MYL1: variants seen among roughly 807,000 people sequenced by gnomAD.
MYL1 encodes myosin light chain 1.
Under a neutral mutation model 21.8 loss-of-function variants are expected in MYL1, and 16 were observed. The observed-to-expected ratio is 0.74, with a 90% confidence interval of 0.50 to 1.12. MYL1 has a LOEUF of 1.12. Among genes scored for constraint, MYL1 ranks in the 50% most tolerant of loss-of-function variants. The pLI is 0.00. For missense variants in MYL1, 246 were observed against 241.0 expected, an observed-to-expected ratio of 1.02 and a Z score of -0.14; for synonymous variants, 99 against 85.2, an observed-to-expected ratio of 1.16 and a Z score of -0.89.
chr2:210,296,135 G>A (rs1690171345), intron 3 of MYL1, among the ~76,000 whole-genome samples: 1 of 152,104 alleles, frequency 6.6e-6, no homozygotes. Flanking sequence ...CTTCAGTTTT[G>A]TATCTCTTTC....
At chr2:210,299,509 A>G (rs1484510238) in intron 2 of MYL1, among the ~76,000 whole-genome samples, 1 of 152,212 alleles carries the variant, frequency 6.6e-6, no homozygotes, top group Non-Finnish European at 1.5e-5. Flanking sequence ...TATTAAGTAT[A>G]CACAGCCATT....
rs144237153 is a variant in MYL1, at chr2:210,291,407, C to A, written c.557-333G>T. ...CCTCCCAAGCAGCTGGGACTACGGG[C>A]ACATGTCACTGTGCCCAGCTATGGT... On this transcript the variant is annotated intron_variant, in intron 5 of 6. Transcript: ENST00000352451. 5.4e-3 allele frequency among the ~76,000 whole-genome samples: 825 copies of A among 152,250 alleles called. 9 individuals are homozygous for A. The highest frequency in any genetic ancestry group is 0.019 in the African/African-American group (780 of 41,556).
intron 2 of MYL1, among the ~76,000 whole-genome samples, chr2:210,300,477 A>G (rs1315073878): frequency 6.6e-6 from 1 of 152,084 alleles, no homozygotes; most frequent in Non-Finnish European, 1.5e-5. Flanking sequence ...TCAGTGACAG[A>G]GTGGAGTTGT....
chr2:210,300,376 G>A (rs972140612), intron 2 of MYL1, among the ~76,000 whole-genome samples: 1 of 152,112 alleles, frequency 6.6e-6, no homozygotes, highest in Non-Finnish European at 1.5e-5. Flanking sequence ...CTATTTTCCA[G>A]GGGCTGGTTG....
Position 210,310,837 on chromosome 2 carries a change from G to A in MYL1, c.132+4074C>T, listed in dbSNP as rs189050515. ...TACCTCATACCCTTAAGAGTAAAAA[G>A]GGCTCCTTTACACATTCTTAGAAAC... On this transcript the variant is annotated intron_variant, in intron 1 of 6. Transcript: ENST00000352451. Among the ~76,000 whole-genome samples the A allele has an allele frequency of 4.0e-3, 611 of 152,116 alleles. 6 individuals are homozygous for A. Among genetic ancestry groups the A allele is most frequent in the African/African-American group, 0.014 (579 of 41,536 alleles).
chr2:210,301,922 G>A (rs1354572210), intron 2 of MYL1, among the ~76,000 whole-genome samples: 1 of 152,158 alleles, frequency 6.6e-6, no homozygotes, highest in East Asian at 1.9e-4. Flanking sequence ...TCTGGAGTCT[G>A]TCTTGCATAT....
At position 210,296,274 on chromosome 2, in the gene MYL1, TATC is replaced by T. The variant is rs371689535; in HGVS notation, c.305-1859_305-1857del. On this transcript the variant is annotated intron_variant, in intron 3 of 6. Coordinates refer to ENST00000352451, the MANE Select transcript of MYL1 (RefSeq NM_079420.3). ...TAGCATACTGATCATCTCAAACACTTATCATTTCTTTGTATTGGGAACATTCAA... is the reference window on the plus strand; with the variant it reads ...TAGCATACTGATCATCTCAAACACTTATTTCTTTGTATTGGGAACATTCAA... 5.4e-3 allele frequency among the ~76,000 whole-genome samples: 821 copies of T among 152,342 alleles called. 10 individuals are homozygous for T. The highest frequency in any genetic ancestry group is 0.019 in the African/African-American group (776 of 41,582).
chr2:210,301,958 C>T (rs1212001367), intron 2 of MYL1, among the ~76,000 whole-genome samples: 3 of 152,106 alleles, frequency 2.0e-5, no homozygotes, highest in Non-Finnish European at 4.4e-5. Flanking sequence ...AACCAGGAGA[C>T]ATTTAATGTT....
chr2:210,304,413 A>T (rs1350028620), intron 1 of MYL1, among the ~76,000 whole-genome samples: 1 of 152,094 alleles, frequency 6.6e-6, no homozygotes, highest in East Asian at 1.9e-4. Context: ...TTAACTACAC[A>T]TAAGTTCTTA....
Position 210,306,380 on chromosome 2 carries a change from C to CAA in MYL1, c.133-3867_133-3866dup, listed in dbSNP as rs370261153. On this transcript the variant is annotated intron_variant, in intron 1 of 6. Coordinates refer to ENST00000352451, the MANE Select transcript of MYL1 (RefSeq NM_079420.3). Reference sequence around the variant, plus strand: ...TGGGCTACAGAGCAAGACTCCATCTCAAAAAAAAAAAAAAAAAGTTGAATT... The same window carrying CAA: ...TGGGCTACAGAGCAAGACTCCATCTCAAAAAAAAAAAAAAAAAAAGTTGAATT... Among the ~76,000 whole-genome samples the CAA allele has an allele frequency of 2.9e-3, 340 of 117,530 alleles. 1 individual carries two copies. The highest frequency in any genetic ancestry group is 9.9e-3 in the African/African-American group (307 of 30,940). 77.1% of individuals were successfully genotyped at this position (117,530 alleles called of 152,430 possible). A position where few individuals can be genotyped will look rare whatever the true frequency, so the allele number is the denominator to read the frequency against.
intron 3 of MYL1, among the ~76,000 whole-genome samples, chr2:210,297,588 T>A (rs4261668): frequency 6.6e-6 from 1 of 151,476 alleles, no homozygotes; most frequent in Admixed American, 6.6e-5. Flanking sequence ...AACTTGCAAA[T>A]GTGTCTTGTC....
chr2:210,308,725 T>C (rs1235436418), intron 1 of MYL1, among the ~76,000 whole-genome samples: 1 of 152,008 alleles, frequency 6.6e-6, no homozygotes, highest in Admixed American at 6.6e-5. Context: ...CAACCTGTTA[T>C]ACTTTTTCAG....
chr2:210,298,272 A>G, intron 3 of MYL1, 148 bp downstream of exon 3: 1 of 923,630 alleles, frequency 1.1e-6, no homozygotes, highest in South Asian at 1.9e-5. Context: ...GAGCCCTATT[A>G]TGTGAAACAT....
chr2:210,297,365 T>C (rs1420353127), intron 3 of MYL1, among the ~76,000 whole-genome samples: 1 of 152,128 alleles, frequency 6.6e-6, no homozygotes, highest in East Asian at 1.9e-4. Context: ...TCTAAGTGGG[T>C]AAGATGGCGT....
chr2:210,303,659 T>C, intron 1 of MYL1: 11 of 1,489,890 alleles, frequency 7.4e-6, no homozygotes, highest in Non-Finnish European at 1.0e-5. Context: ...CTGGGCAAGC[T>C]TTGACCTCAC....
rs371995777 is a variant in MYL1, at chr2:210,294,394, A to G, written c.329T>C (p.Phe110Ser). The G allele has an allele frequency of 1.8e-5, 29 of 1,613,796 alleles. No homozygotes were observed. The highest frequency in any genetic ancestry group is 2.4e-5 in the Non-Finnish European group (28 of 1,179,910). The change falls in exon 4 of 7, where the codon TTT (phenylalanine) becomes TCT (serine). Residue 110 changes from phenylalanine to serine, a missense_variant. Phe to Ser is a radical substitution (Grantham distance 155). Transcript: ENST00000352451. ...TTGCATCATAGGCAGAAATTGTTCA[A>G]ACTCAATTTTCTTGGCATTCAGCTC... is the stretch of plus-strand genomic sequence containing the variant. ...NEELNAKKIE[F>S]EQFLPMMQAI...
intron 3 of MYL1, among the ~76,000 whole-genome samples, chr2:210,296,177 G>A (rs1464781699): frequency 2.0e-5 from 3 of 152,104 alleles, no homozygotes. Flanking sequence ...CATACTAATT[G>A]TATGTATTTA....
intron 1 of MYL1, among the ~76,000 whole-genome samples, chr2:210,307,342 C>T (rs1337453124): frequency 6.6e-6 from 1 of 152,144 alleles, no homozygotes; most frequent in Non-Finnish European, 1.5e-5. Context: ...ATATTTGAAG[C>T]TCAATAGATT....
At position 210,314,949 on chromosome 2, in the gene MYL1, T is replaced by TGGCTGG. The variant is rs1690469900; in HGVS notation, c.88_93dup (p.Pro30_Ala31dup). Reference sequence around the variant, plus strand: ...AGGTCAATTTTTTCTTCTTTGGGTTTGGCTGGGGCAGGGGCAGGTGCAGGT... The same window carrying TGGCTGG: ...AGGTCAATTTTTTCTTCTTTGGGTTTGGCTGGGGCTGGGGCAGGGGCAGGTGCAGGT... On this transcript the variant is annotated inframe_insertion, in exon 1 of 7. Transcript: ENST00000352451. 8 of 1,613,760 alleles carry TGGCTGG rather than the reference T, an allele frequency of 5.0e-6. No individual in the cohort carries two copies. The highest frequency in any genetic ancestry group is 6.8e-6 in the Non-Finnish European group (8 of 1,179,882).
Sources: allele counts gnomAD v4.1 joint callset (sites outside exome capture counted in the v4.1 genomes callset), GRCh38; gene constraint gnomAD v4.1.1; transcripts MANE v1.5; gene names NCBI Gene and HGNC (gene_info 2026-07-23, HGNC 2026-07-21).